The following PDS5B variants were observed in gnomAD, a reference collection of about 807,000 sequenced individuals.
PDS5B encodes the protein PDS5 cohesin associated factor B.
In PDS5B, 51 loss-of-function variants were observed where a neutral mutation model predicts 184.1. The observed-to-expected ratio is 0.28, with a 90% CI of 0.22 to 0.35. PDS5B has a LOEUF of 0.35. Ranked by LOEUF, PDS5B falls within the 10% of genes least tolerant of loss-of-function variation. The pLI is 1.00. For missense variants in PDS5B, 1,180 were observed against 1,723.3 expected (o/e 0.68, Z 5.58); for synonymous variants, 566 against 569.2 (o/e 0.99, Z 0.08).
chr13:32,659,190 A>G lies in PDS5B; in HGVS notation c.534A>G (p.Val178=). The part of the protein sequence containing the change: ...GHNQKVHMHM[V]DLMSSIICEG... ...ATCAGAAAGTCCATATGCACATGGT[A>G]GACCTTATGAGCTCTATTATTTGTG... Residue 178 remains valine (V), a synonymous_variant, in exon 6 of 35, where the codon GTA becomes GTG. Transcript: ENST00000315596. 1 of 1,599,208 alleles carries G rather than the reference A, an allele frequency of 6.3e-7. No homozygotes were observed. The highest frequency in any genetic ancestry group is 1.1e-5 in the South Asian group (1 of 88,330).
intron 17 of PDS5B, among the ~76,000 whole-genome samples, chr13:32,704,415 C>T (rs925342541): frequency 2.6e-5 from 4 of 152,160 alleles, no homozygotes; most frequent in East Asian, 1.9e-4. Flanking sequence ...GTGATCTGCC[C>T]GCCTTGGCCT....
intron 1 of PDS5B, among the ~76,000 whole-genome samples, chr13:32,587,558 C>T (rs963543701): frequency 1.3e-5 from 2 of 152,204 alleles, no homozygotes; most frequent in Non-Finnish European, 2.9e-5. Context: ...TTAAGTAGCT[C>T]GACAGTTATT....
intron 10 of PDS5B, among the ~76,000 whole-genome samples, chr13:32,681,029 A>T (rs1593413990): frequency 6.6e-6 from 1 of 152,144 alleles, no homozygotes; most frequent in South Asian, 2.1e-4. Flanking sequence ...CAAAGGATTT[A>T]TACTGACTGA....
intron 10 of PDS5B, among the ~76,000 whole-genome samples, chr13:32,683,529 A>C (rs1264648119): frequency 1.3e-5 from 2 of 151,532 alleles, no homozygotes; most frequent in Admixed American, 6.6e-5. Context: ...CGTGTTGGTC[A>C]GGCTGGTCTT....
chr13:32,714,865 C>T (rs1336599058), intron 19 of PDS5B, among the ~76,000 whole-genome samples: 1 of 152,108 alleles, frequency 6.6e-6, no homozygotes, highest in Non-Finnish European at 1.5e-5. Flanking sequence ...TCCTCCTCAG[C>T]TGACAGGATT....
At chr13:32,604,227 C>T (rs1294193144) in intron 1 of PDS5B, among the ~76,000 whole-genome samples, 1 of 152,080 alleles carries the variant, frequency 6.6e-6, no homozygotes, top group Non-Finnish European at 1.5e-5. Flanking sequence ...ATAAATAGCT[C>T]TTCTTATTGT....
chr13:32,618,498 A>C lies in PDS5B; in HGVS notation c.-19-30256A>C, dbSNP rs1330418692. On this transcript the variant is annotated intron_variant, in intron 1 of 34. Coordinates refer to ENST00000315596, the MANE Select transcript of PDS5B (RefSeq NM_015032.4). ...CCAGTTACCCGTCCAGTGTAATACT[A>C]CTGGCCCATTACTGTGTAGAAAAAA... 2.0e-5 allele frequency among the ~76,000 whole-genome samples: 3 copies of C among 149,374 alleles called. No homozygotes were observed. The Admixed American group carries it at 2.0e-4, about 10-fold the overall frequency.
intron 25 of PDS5B, among the ~76,000 whole-genome samples, chr13:32,754,458 C>CT (rs1954100157): frequency 6.6e-6 from 1 of 152,156 alleles, no homozygotes; most frequent in Non-Finnish European, 1.5e-5. Context: ...GTTGTCAACT[C>CT]TATCTGGAAA....
rs375677175 is a variant in PDS5B at position 32,678,820 on chromosome 13, T to A, written c.963-15T>A. The A allele has an allele frequency of 3.9e-4, 548 of 1,421,728 alleles. 1 individual carries two copies. The highest frequency in any genetic ancestry group is 7.0e-5 in the Non-Finnish European group (70 of 1,005,310). 88.1% of individuals were successfully genotyped at this position (1,421,728 alleles called of 1,614,324 possible). A position where few individuals can be genotyped will look rare whatever the true frequency, so the allele number is the denominator to read the frequency against. ...CTTATTTTGAAGCTCACTCTGTGCTTTTATATTTTATCAGGTTTAATGATA... is the reference window on the plus strand; with the variant it reads ...CTTATTTTGAAGCTCACTCTGTGCTATTATATTTTATCAGGTTTAATGATA... On this transcript the variant is annotated splice_polypyrimidine_tract_variant and intron_variant, in intron 9 of 34. Coordinates refer to ENST00000315596, the MANE Select transcript of PDS5B (RefSeq NM_015032.4).
chr13:32,744,514 GAA>G (rs1249103568), intron 23 of PDS5B, among the ~76,000 whole-genome samples: 1 of 152,078 alleles, frequency 6.6e-6, no homozygotes, highest in African/African-American at 2.4e-5. Flanking sequence ...TTGGTTTCAA[GAA>G]AAGTTTCCTC....
At chr13:32,587,474 T>G (rs549656148) in intron 1 of PDS5B, among the ~76,000 whole-genome samples, 9 of 152,346 alleles carry the variant, frequency 5.9e-5, no homozygotes, top group African/African-American at 2.2e-4. Context: ...AAGTTTTCGG[T>G]CCGGAGAAAA....
At chr13:32,721,262 G>A (rs1159433180) in intron 19 of PDS5B, among the ~76,000 whole-genome samples, 3 of 151,634 alleles carry the variant, frequency 2.0e-5, no homozygotes, top group Admixed American at 6.6e-5. Flanking sequence ...TGGCTGCCGG[G>A]CGGGGGCGCC....
At chr13:32,750,473 T>A (rs1953933286) in intron 24 of PDS5B, among the ~76,000 whole-genome samples, 1 of 152,138 alleles carries the variant, frequency 6.6e-6, no homozygotes, top group South Asian at 2.1e-4. Flanking sequence ...CTTTGTTTCG[T>A]GGAGTATGAG....
In PDS5B at chr13:32,760,672, A is replaced by G. The variant is rs1566421024; in HGVS notation, c.3470A>G (p.Asn1157Ser). The G allele has an allele frequency of 6.2e-7, 1 of 1,614,098 alleles. No homozygotes were observed. Among genetic ancestry groups the G allele is most frequent in the South Asian group, 1.1e-5 (1 of 91,074 alleles). The stretch of plus-strand genomic sequence containing the variant: ...TCATCACGAATGGAAACTGTAAGCA[A>G]TGCAAGCAGCAGCTCAAATCCAAGC... ...TKSSRMETVS[N>S]ASSSSNPSSP... The change falls in exon 30 of 35, where the codon AAT becomes AGT. Residue 1157 changes from asparagine to serine, a missense_variant. Physicochemically the swap from Asn to Ser is conservative, Grantham distance 46. Coordinates refer to ENST00000315596, the MANE Select transcript of PDS5B (RefSeq NM_015032.4).
At chr13:32,721,451 G>A (rs1464438400) in intron 19 of PDS5B, among the ~76,000 whole-genome samples, 1 of 151,988 alleles carries the variant, frequency 6.6e-6, no homozygotes, top group Non-Finnish European at 1.5e-5. Flanking sequence ...CTCAGATGGG[G>A]CGGCCGGGCA....
At position 32,760,520 on chromosome 13, in the gene PDS5B, G is replaced by T. The variant is rs572787245; in HGVS notation, c.3373-55G>T. ...AGATGTTATTTATGGTTCTTTACAC[G>T]TAACTTTCTTTTGGCTTTAACCAAA... On this transcript the variant is annotated intron_variant, in intron 29 of 34. Transcript: ENST00000315596. 9.7e-6 allele frequency: 15 copies of T among 1,545,772 alleles called. No individual in the cohort carries two copies. In the African/African-American group the frequency reaches 1.6e-4, roughly 17 times the overall value.
chr13:32,621,538 A>T (rs1292235318), intron 1 of PDS5B, among the ~76,000 whole-genome samples: 1 of 152,178 alleles, frequency 6.6e-6, no homozygotes, highest in Non-Finnish European at 1.5e-5. Context: ...TAAGATGGAG[A>T]CAGTTCTTCC....
chr13:32,741,035 C>T (rs779317995), intron 21 of PDS5B, 45 bp from the exon 22 acceptor site: 1 of 1,058,792 alleles, frequency 9.4e-7, no homozygotes. Context: ...TTCATATTTA[C>T]ATTTTAAAGT....
intron 1 of PDS5B, among the ~76,000 whole-genome samples, chr13:32,597,302 C>G (rs528396469): frequency 6.6e-6 from 1 of 151,986 alleles, no homozygotes; most frequent in Admixed American, 6.6e-5. Context: ...CTCAGCCTCC[C>G]AAAGTGCTGG....
Sources: allele counts gnomAD v4.1 joint callset (sites outside exome capture counted in the v4.1 genomes callset), GRCh38; gene constraint gnomAD v4.1.1; transcripts MANE v1.5; gene names NCBI Gene and HGNC (gene_info 2026-07-23, HGNC 2026-07-21).